The following MEGF8 variants were observed in gnomAD, a reference collection of about 807,000 sequenced individuals.
MEGF8 encodes multiple epidermal growth factor-like domains protein 8.
Under a neutral mutation model 302.9 loss-of-function variants are expected in MEGF8, and 156 were observed. The ratio of observed to expected loss-of-function variants is 0.52; its 90% confidence interval spans 0.45 to 0.59. The LOEUF is 0.59. Ranked by LOEUF, MEGF8 falls within the 20% of genes least tolerant of loss-of-function variation. The probability of loss-of-function intolerance (pLI) is 0.00; values close to 1 mark genes in which losing one functional copy is unlikely to be tolerated. For missense variants in MEGF8, 3,345 were observed against 3,964.5 expected, an observed-to-expected ratio of 0.84 and a Z score of 4.20; for synonymous variants, 1,621 against 1,660.5, an observed-to-expected ratio of 0.98 and a Z score of 0.58.
At chr19:42,335,440 G>A (rs2039113788) in intron 5 of MEGF8, 55 bp downstream of exon 5, 21 of 1,544,788 alleles carry the variant, frequency 1.4e-5, no homozygotes, top group Middle Eastern at 3.5e-4. Flanking sequence ...AGACCCAGCC[G>A]GGGACCCCCG....
intron 8 of MEGF8, among the ~76,000 whole-genome samples, chr19:42,341,894 T>A (rs1310777461): frequency 1.3e-5 from 2 of 152,198 alleles, no homozygotes; most frequent in Non-Finnish European, 2.9e-5. Flanking sequence ...CAGAAGATGC[T>A]TATACCTGCA....
At chr19:42,332,276 G>A (rs1244134260) in intron 1 of MEGF8, among the ~76,000 whole-genome samples, 2 of 152,268 alleles carry the variant, frequency 1.3e-5, no homozygotes, top group African/African-American at 2.4e-5. Flanking sequence ...CCCTCCCAGG[G>A]CTGGCAGTTG....
In MEGF8 at chr19:42,334,683, C is replaced by T. The variant is rs150478561; in HGVS notation, c.559-352C>T. On this transcript the variant is annotated intron_variant, in intron 3 of 41. Coordinates refer to ENST00000251268, the MANE Select transcript of MEGF8 (RefSeq NM_001271938.2). ...CAGTCCAGGCTGAATGTCAACTACGCTGTCTGTATTCTCCCAGCCTGCCGT... is the reference window on the plus strand; with the variant it reads ...CAGTCCAGGCTGAATGTCAACTACGTTGTCTGTATTCTCCCAGCCTGCCGT... 8.7e-4 allele frequency among the ~76,000 whole-genome samples: 132 copies of T among 152,308 alleles called. 1 individual carries two copies. The highest frequency in any genetic ancestry group is 6.6e-3 in the South Asian group (32 of 4,826).
In MEGF8 at chr19:42,354,912, G is replaced by A. The variant is rs1389262575; in HGVS notation, c.4144+192G>A. Among the ~76,000 whole-genome samples the A allele has an allele frequency of 1.3e-5, 2 of 152,174 alleles. No individual in the cohort carries two copies. The highest frequency in any genetic ancestry group is 6.5e-5 in the Admixed American group (1 of 15,278). The stretch of plus-strand genomic sequence containing the variant: ...GGATTGCGCCGGCTGAGCTACGTCT[G>A]CAGAGAGAAGGGCTGAATGAGACAT... On this transcript the variant is annotated intron_variant, in intron 23 of 41. Coordinates refer to ENST00000251268, the MANE Select transcript of MEGF8 (RefSeq NM_001271938.2). The surrounding 1 kb of genome is among the most constrained non-coding windows in gnomAD (Gnocchi z 4.3).
At chr19:42,349,109 G>A (rs548097155) in intron 13 of MEGF8, among the ~76,000 whole-genome samples, 1 of 152,242 alleles carries the variant, frequency 6.6e-6, no homozygotes, top group Non-Finnish European at 1.5e-5. Context: ...GGACTAGCCT[G>A]GGAAACATGG....
intron 12 of MEGF8, among the ~76,000 whole-genome samples, chr19:42,347,456 T>C (rs2039306751): frequency 6.6e-6 from 1 of 152,006 alleles, no homozygotes; most frequent in Non-Finnish European, 1.5e-5. Flanking sequence ...TAGCTGGGAT[T>C]ACAAACATGC....
Position 42,358,644 on chromosome 19 carries a change from TG to T in MEGF8, c.5176-140del. ...CCTTCAAGGCCAAGGAGAATGTGTG[TG>T]GGAGGGCAGGGAGCCCTGTCTGCAC... On this transcript the variant is annotated intron_variant, in intron 29 of 41. Coordinates refer to ENST00000251268, the MANE Select transcript of MEGF8 (RefSeq NM_001271938.2). The surrounding 1 kb of genome is among the most constrained non-coding windows in gnomAD (Gnocchi z 4.4). 2 of 999,420 alleles carry T rather than the reference TG, an allele frequency of 2.0e-6. No homozygotes were observed. Among genetic ancestry groups the T allele is most frequent in the Non-Finnish European group, 2.9e-6 (2 of 701,736 alleles). 61.9% of individuals were successfully genotyped at this position (999,420 alleles called of 1,614,324 possible). A position where few individuals can be genotyped will look rare whatever the true frequency, so the allele number is the denominator to read the frequency against.
At position 42,362,208 on chromosome 19, in the gene MEGF8, G is replaced by A. The variant is rs960260607; in HGVS notation, c.5839G>A (p.Gly1947Arg). 6.2e-7 allele frequency: 1 copy of A among 1,610,924 alleles called. No homozygotes were observed. The highest frequency in any genetic ancestry group is 1.1e-5 in the South Asian group (1 of 90,752). The change falls in exon 33 of 42, where the codon GGA becomes AGA. Residue 1947 changes from glycine to arginine, a missense_variant. Coordinates refer to ENST00000251268, the MANE Select transcript of MEGF8 (RefSeq NM_001271938.2). ...RHPRTLQPGDGEASTPRCKWC... is the reference protein window; with the variant it reads ...RHPRTLQPGDREASTPRCKWC... ...TCCTCGGACCCTGCAACCTGGAGAT[G>A]GAGAGGTGAGTGGTGGGGAAGGCAG...
chr19:42,358,770 G>T lies in MEGF8; in HGVS notation c.5176-17G>T. ...ACTCGAGGAGCCTCAACCCCAGGAC[G>T]CCCCCACTGTCACTAGCGAGATCGT... On this transcript the variant is annotated splice_polypyrimidine_tract_variant and intron_variant, in intron 29 of 41. Coordinates refer to ENST00000251268, the MANE Select transcript of MEGF8 (RefSeq NM_001271938.2). This position sits in a 1 kb window ranked among gnomAD's most constrained non-coding sequence, Gnocchi z 4.4. 3.3e-6 allele frequency: 5 copies of T among 1,508,666 alleles called. No homozygotes were observed. The highest frequency in any genetic ancestry group is 4.4e-6 in the Non-Finnish European group (5 of 1,129,274). The allele number at this position is 1,508,666 out of a possible 1,614,324, so 93.5% of individuals were successfully genotyped here. A position where few individuals can be genotyped will look rare whatever the true frequency, so the allele number is the denominator to read the frequency against.
In MEGF8 at chr19:42,351,066, A is replaced by G; in HGVS notation, c.2737-150A>G. On this transcript the variant is annotated intron_variant, in intron 15 of 41. Transcript: ENST00000251268. The surrounding 1 kb of genome is among the most constrained non-coding windows in gnomAD (Gnocchi z 5.6). ...GCCGACCCATGGGTGTCTGTGGTCGAAGGGAGGGGTCCAGAGACGCAGGCA... is the reference window on the plus strand; with the variant it reads ...GCCGACCCATGGGTGTCTGTGGTCGGAGGGAGGGGTCCAGAGACGCAGGCA... 1.4e-6 allele frequency: 1 copy of G among 698,550 alleles called. No homozygotes were observed. Among genetic ancestry groups the G allele is most frequent in the South Asian group, 1.9e-5 (1 of 52,438 alleles). The allele number at this position is 698,550 out of a possible 1,614,324, so 43.3% of individuals were successfully genotyped here.
At position 42,344,511 on chromosome 19, in the gene MEGF8, G is replaced by T. The variant is rs1241283926; in HGVS notation, c.1859G>T (p.Ser620Ile). 6.3e-7 allele frequency: 1 copy of T among 1,599,400 alleles called. No homozygotes were observed. The highest frequency in any genetic ancestry group is 8.5e-7 in the Non-Finnish European group (1 of 1,179,352). ...GDCQACLAFS[S>I]PTAPPRGPGT... ...TGCCAGGCCTGCCTGGCCTTCAGCAGCCCCACAGCCCCTCCACGGGGACCT... is the reference window on the plus strand; with the variant it reads ...TGCCAGGCCTGCCTGGCCTTCAGCATCCCCACAGCCCCTCCACGGGGACCT... The change falls in exon 11 of 42, where the codon AGC becomes ATC. Residue 620 changes from serine to isoleucine, a missense_variant. Physicochemically the swap from Ser to Ile is moderately radical, Grantham distance 142 (BLOSUM62 -2). Transcript: ENST00000251268. This position sits in a 1 kb window ranked among gnomAD's most constrained non-coding sequence, Gnocchi z 4.5.
At position 42,368,410 on chromosome 19, in the gene MEGF8, C is replaced by T. The variant is rs2039636939; in HGVS notation, c.6274-45C>T. The T allele has an allele frequency of 2.0e-6, 3 of 1,472,492 alleles. No homozygotes were observed. Among genetic ancestry groups the T allele is most frequent in the Middle Eastern group, 3.5e-4 (2 of 5,672 alleles). 91.2% of individuals were successfully genotyped at this position (1,472,492 alleles called of 1,614,324 possible). A position where few individuals can be genotyped will look rare whatever the true frequency, so the allele number is the denominator to read the frequency against. On this transcript the variant is annotated intron_variant, in intron 35 of 41. Coordinates refer to ENST00000251268, the MANE Select transcript of MEGF8 (RefSeq NM_001271938.2). The surrounding 1 kb of genome is among the most constrained non-coding windows in gnomAD (Gnocchi z 4.9). ...AATGTGTTTGTTTAAGCTTATTTCCCCATCTCTCTCTTCCCTGCATCCCCA... is the reference window on the plus strand; with the variant it reads ...AATGTGTTTGTTTAAGCTTATTTCCTCATCTCTCTCTTCCCTGCATCCCCA...
At position 42,344,688 on chromosome 19, in the gene MEGF8, G is replaced by T. The variant is rs762810587; in HGVS notation, c.1952G>T (p.Gly651Val). Residue 651 changes from glycine (G) to valine (V), a missense_variant, in exon 12 of 42, where the codon GGG becomes GTG. Transcript: ENST00000251268. This position sits in a 1 kb window ranked among gnomAD's most constrained non-coding sequence, Gnocchi z 4.5. ...TTCTCAGAGCAGGCCCGCTGCCGAG[G>T]GGAGCAGATCTCAGGCACTGTGGGC... ...LPRPEQARCR[G>V]EQISGTVGWW... 1.3e-6 allele frequency: 2 copies of T among 1,591,710 alleles called. No individual in the cohort carries two copies. The highest frequency in any genetic ancestry group is 1.1e-5 in the South Asian group (1 of 88,166).
In MEGF8 at chr19:42,358,788, G is replaced by A. The variant is rs768497871; in HGVS notation, c.5177G>A (p.Arg1726Gln). 3.9e-6 allele frequency: 6 copies of A among 1,543,098 alleles called. No homozygotes were observed. The highest frequency in any genetic ancestry group is 3.8e-5 in the South Asian group (3 of 78,754). The change falls in exon 30 of 42, where the codon CGA becomes CAA. Residue 1726 changes from arginine (R) to glutamine (Q), a missense_variant and splice_region_variant. Physicochemically the swap from Arg to Gln is conservative, Grantham distance 43. Transcript: ENST00000251268. This position sits in a 1 kb window ranked among gnomAD's most constrained non-coding sequence, Gnocchi z 4.4. The part of the protein sequence containing the change: ...SLLAPSQGAK[R>Q]DRMRNVRGSS... The stretch of plus-strand genomic sequence containing the variant: ...CCAGGACGCCCCCACTGTCACTAGC[G>A]AGATCGTATGAGGAATGTGCGTGGC...
intron 39 of MEGF8, 97 bp from the exon 40 acceptor site, chr19:42,370,604 C>T (rs2039671927): frequency 2.1e-6 from 3 of 1,395,986 alleles, no homozygotes; most frequent in Admixed American, 2.3e-5. Flanking sequence ...CCTCCTGGGT[C>T]TGAGGGAGGA....
At chr19:42,343,657 G>T (rs761633432) in intron 9 of MEGF8, 26 bp downstream of exon 9, 3 of 1,578,444 alleles carry the variant, frequency 1.9e-6, no homozygotes, top group South Asian at 1.1e-5. Flanking sequence ...ACAGGGAAAG[G>T]GTGGCTGGGG....
intron 12 of MEGF8, among the ~76,000 whole-genome samples, chr19:42,345,865 G>A (rs1418087044): frequency 1.3e-5 from 2 of 152,306 alleles, no homozygotes; most frequent in East Asian, 3.9e-4. Context: ...ATTGAGGAAT[G>A]TCCAAACTGT....
rs1474721064 is a variant in MEGF8, at chr19:42,358,107, A to AGCCCCTCCCCCAGCCTGTCACCCT, written c.5012-29_5012-6dup. 6.7e-7 allele frequency: 1 copy of AGCCCCTCCCCCAGCCTGTCACCCT among 1,488,840 alleles called. No individual in the cohort carries two copies. The highest frequency in any genetic ancestry group is 1.4e-5 in the South Asian group (1 of 73,166). The allele number at this position is 1,488,840 out of a possible 1,614,324, so 92.2% of individuals were successfully genotyped here. ...GGTCGGCGGGGTCAGTGCTGTTGTC[A>AGCCCCTCCCCCAGCCTGTCACCCT]GCCCCTCCCCCAGCCTGTCACCCTG... On this transcript the variant is annotated intron_variant, in intron 28 of 41. Transcript: ENST00000251268. This position sits in a 1 kb window ranked among gnomAD's most constrained non-coding sequence, Gnocchi z 4.4.
intron 13 of MEGF8, 39 bp from the exon 14 acceptor site, chr19:42,349,460 G>C (rs981560790): frequency 2.5e-6 from 4 of 1,573,136 alleles, no homozygotes; most frequent in Admixed American, 3.5e-5. Flanking sequence ...GAATGGGAAG[G>C]GTTCTGAGGC....
Sources: allele counts gnomAD v4.1 joint callset (sites outside exome capture counted in the v4.1 genomes callset), GRCh38; gene constraint gnomAD v4.1.1; non-coding constraint Gnocchi (gnomAD v3.1); transcripts MANE v1.5; gene names NCBI Gene and HGNC (gene_info 2026-07-23, HGNC 2026-07-21).